Variants in SCN2A observed in about 807,000 individuals in gnomAD.
SCN2A encodes sodium voltage-gated channel alpha subunit 2, also known as sodium channel protein type 2 subunit alpha.
Under a neutral mutation model 188.7 loss-of-function variants are expected in SCN2A, and 20 were observed. That is an observed-to-expected ratio of 0.11 (90% CI 0.07 to 0.15). The LOEUF is 0.15. SCN2A is among the 10% of genes least tolerant of loss of function. The pLI is 1.00. For synonymous variants in SCN2A, 804 were observed against 833.1 expected (o/e 0.97, Z 0.60); for missense variants, 1,278 against 2,445.0 (o/e 0.52, Z 10.07).
intron 16 of SCN2A, among the ~76,000 whole-genome samples, chr2:165,345,808 G>C (rs532173914): frequency 6.6e-6 from 1 of 152,150 alleles, no homozygotes; most frequent in Admixed American, 6.5e-5. Context: ...TAATGTTGAT[G>C]GTCTTAACAA....
chr2:165,334,655 T>C (rs983372591), intron 14 of SCN2A, among the ~76,000 whole-genome samples: 3 of 151,798 alleles, frequency 2.0e-5, no homozygotes, highest in African/African-American at 7.2e-5. Context: ...ACCCCACACC[T>C]ATCATCATTC....
chr2:165,359,213 G>A (rs541225673), intron 17 of SCN2A, among the ~76,000 whole-genome samples: 6 of 152,160 alleles, frequency 3.9e-5, no homozygotes, highest in Admixed American at 2.0e-4. Context: ...TCCAAGATGC[G>A]TAATTGTTTA....
Position 165,344,657 on chromosome 2 carries a change from G to A in SCN2A, c.2665G>A (p.Ala889Thr). 6.2e-7 allele frequency: 1 copy of A among 1,614,000 alleles called. No individual in the cohort carries two copies. Among genetic ancestry groups the A allele is most frequent in the Non-Finnish European group, 8.5e-7 (1 of 1,180,002 alleles). The stretch of plus-strand genomic sequence containing the variant: ...TCTAGGAAACCTCACCTTGGTATTG[G>A]CCATCATCGTCTTCATTTTTGCTGT... ...GALGNLTLVL[A>T]IIVFIFAVVG... is the part of the protein sequence containing the mutation. The change falls in exon 16 of 27, where the codon GCC becomes ACC. Residue 889 changes from alanine (A) to threonine (T), a missense_variant. Ala to Thr is a moderately conservative substitution (Grantham distance 58). Coordinates refer to ENST00000375437, the MANE Select transcript of SCN2A (RefSeq NM_001040142.2).
At chr2:165,254,941 A>T (rs1371768109) in intron 1 of SCN2A, among the ~76,000 whole-genome samples, 1 of 151,136 alleles carries the variant, frequency 6.6e-6, no homozygotes, top group East Asian at 1.9e-4. Flanking sequence ...ATAACATTGG[A>T]AAACCTAAAT....
intron 25 of SCN2A, among the ~76,000 whole-genome samples, chr2:165,381,513 T>C (rs1364743785): frequency 7.0e-6 from 1 of 142,394 alleles, no homozygotes; most frequent in East Asian, 2.2e-4. Flanking sequence ...ATAAAATACA[T>C]ACATACATAA....
At chr2:165,334,099 A>G (rs957144503) in intron 14 of SCN2A, among the ~76,000 whole-genome samples, 1 of 151,370 alleles carries the variant, frequency 6.6e-6, no homozygotes, top group African/African-American at 2.4e-5. Flanking sequence ...ACTTATAATA[A>G]GTAAACATTG....
chr2:165,305,656 C>T (rs1024729468), intron 3 of SCN2A, among the ~76,000 whole-genome samples: 1 of 152,196 alleles, frequency 6.6e-6, no homozygotes, highest in Non-Finnish European at 1.5e-5. Flanking sequence ...TTGTTGAATG[C>T]TGCTTAGAAA....
chr2:165,326,777 C>T, intron 12 of SCN2A, 75 bp from the exon 13 acceptor site: 1 of 1,496,684 alleles, frequency 6.7e-7, no homozygotes, highest in East Asian at 2.3e-5. Context: ...AGTTAAATAA[C>T]ACCTGTTGTA....
At chr2:165,297,236 T>G in intron 3 of SCN2A, 101 bp downstream of exon 3, 1 of 705,640 alleles carries the variant, frequency 1.4e-6, no homozygotes. Context: ...TGTTATGTGT[T>G]CTTTCTTTTT....
At chr2:165,329,031 G>C (rs1022545919) in intron 13 of SCN2A, among the ~76,000 whole-genome samples, 1 of 119,962 alleles carries the variant, frequency 8.3e-6, no homozygotes, top group Non-Finnish European at 1.6e-5. Flanking sequence ...ATGGTGCAAA[G>C]TTTTCCTGGT....
intron 20 of SCN2A, chr2:165,372,084 G>T (rs1398814588): frequency 6.6e-6 from 1 of 152,104 alleles, no homozygotes; most frequent in Non-Finnish European, 1.5e-5. Flanking sequence ...TTCAGAGAAG[G>T]TAAAGTACTA....
At chr2:165,374,256 A>G (rs1470462026) in intron 21 of SCN2A, among the ~76,000 whole-genome samples, 1 of 152,140 alleles carries the variant, frequency 6.6e-6, no homozygotes, top group South Asian at 2.1e-4. Flanking sequence ...TTTCAGTACC[A>G]GAATACTGTT....
At chr2:165,293,911 A>G (rs1696348178) in intron 1 of SCN2A, 1 of 983,644 alleles carries the variant, frequency 1.0e-6, no homozygotes, top group African/African-American at 1.8e-5. Flanking sequence ...GGTAGTTACA[A>G]TAATGCCATT....
At chr2:165,246,241 C>G (rs1693840780) in intron 1 of SCN2A, among the ~76,000 whole-genome samples, 1 of 152,180 alleles carries the variant, frequency 6.6e-6, no homozygotes, top group African/African-American at 2.4e-5. Context: ...TCCAAGAACA[C>G]TGGAATTTTC....
intron 12 of SCN2A, among the ~76,000 whole-genome samples, chr2:165,325,627 A>G (rs1324918909): frequency 6.7e-6 from 1 of 149,698 alleles, no homozygotes; most frequent in Non-Finnish European, 1.5e-5. Context: ...TCATGTGACT[A>G]TTTTTTTTTT....
rs1469649 is a variant in SCN2A, at chr2:165,370,597, A to G, written c.3849+298A>G. On this transcript the variant is annotated intron_variant, in intron 20 of 26. Coordinates refer to ENST00000375437, the MANE Select transcript of SCN2A (RefSeq NM_001040142.2). ...AATTTAGAAATTTTGCTTTTTGCACACTCACATTTCGCAAAATAACTTGTA... is the reference window on the plus strand; with the variant it reads ...AATTTAGAAATTTTGCTTTTTGCACGCTCACATTTCGCAAAATAACTTGTA... 0.42 allele frequency: 131,144 copies of G among 314,862 alleles called. 28,043 individuals are homozygous for G. Among genetic ancestry groups the G allele is most frequent in the East Asian group, 0.52 (8,562 of 16,314 alleles). The allele number at this position is 314,862 out of a possible 1,614,324, so 19.5% of individuals were successfully genotyped here. A position where few individuals can be genotyped will look rare whatever the true frequency, so the allele number is the denominator to read the frequency against.
chr2:165,256,000 CTTTTTTTTTT>C (rs765804959), intron 1 of SCN2A, among the ~76,000 whole-genome samples: 1 of 88,446 alleles, frequency 1.1e-5, no homozygotes, highest in African/African-American at 4.9e-5. Flanking sequence ...GGGCTCTTTT[CTTTTTTTTTT>C]TTTTTTTTTT....
At chr2:165,300,768 G>T (rs115230656) in intron 3 of SCN2A, among the ~76,000 whole-genome samples, 102 of 152,234 alleles carry the variant, frequency 6.7e-4, no homozygotes, top group African/African-American at 2.2e-3. Flanking sequence ...GGTGCAGTGG[G>T]TCATTGTGAG....
chr2:165,370,347 A>G (rs1322470822), intron 20 of SCN2A, 48 bp downstream of exon 20: 2 of 1,586,242 alleles, frequency 1.3e-6, no homozygotes, highest in Admixed American at 3.3e-5. Context: ...TATATGTAAT[A>G]GTTCTAGCAA....
Sources: gnomAD v4.1 joint callset for allele counts (sites outside exome capture counted in the v4.1 genomes callset) on GRCh38, gnomAD v4.1.1 for gene constraint, MANE v1.5 for transcripts, NCBI Gene and HGNC (gene_info 2026-07-23, HGNC 2026-07-21) for gene names.